Variants in UBE2E2 observed in about 807,000 individuals in gnomAD.
UBE2E2 encodes ubiquitin-conjugating enzyme E2 E2.
UBE2E2 carries 6 observed loss-of-function variants against 24.7 expected under a neutral mutation model. The ratio of observed to expected loss-of-function variants is 0.24; its 90% confidence interval spans 0.13 to 0.48. The LOEUF is 0.48. Ranked by LOEUF, UBE2E2 falls within the 20% of genes least tolerant of loss-of-function variation. UBE2E2 has a pLI of 0.99. For synonymous variants in UBE2E2, 104 were observed against 83.6 expected, an observed-to-expected ratio of 1.24 and a Z score of -1.33; for missense variants, 169 against 245.0, an observed-to-expected ratio of 0.69 and a Z score of 2.07.
At position 23,345,569 on chromosome 3, in the gene UBE2E2, A is replaced by G. The variant is rs537381680; in HGVS notation, c.227+128257A>G. On this transcript the variant is annotated intron_variant, in intron 3 of 5. Transcript: ENST00000396703. ...GGAACTTGAACTTTATCTTAACACA[A>G]TAGCATTGACAAATTACTCACAAAA... Among the ~76,000 whole-genome samples the G allele has an allele frequency of 1.1e-3, 162 of 152,326 alleles. 1 individual carries two copies. The South Asian group carries it at 0.012, about 11-fold the overall frequency.
intron 3 of UBE2E2, among the ~76,000 whole-genome samples, chr3:23,329,461 T>A (rs1241241942): frequency 2.6e-5 from 4 of 152,246 alleles, no homozygotes; most frequent in African/African-American, 9.6e-5. Context: ...CAGTTGGTAT[T>A]TAGGCAGGCA....
intron 5 of UBE2E2, among the ~76,000 whole-genome samples, chr3:23,582,946 G>C (rs543231998): frequency 6.6e-6 from 1 of 151,420 alleles, no homozygotes; most frequent in South Asian, 2.1e-4. Context: ...GATCCCATTT[G>C]TCAATTTTTG....
intron 3 of UBE2E2, among the ~76,000 whole-genome samples, chr3:23,294,668 T>A (rs1698861731): frequency 6.8e-6 from 1 of 146,400 alleles, no homozygotes; most frequent in South Asian, 2.1e-4. Flanking sequence ...TTATTTTAAA[T>A]AAATATAATA....
chr3:23,296,591 G>A (rs1054912884), intron 3 of UBE2E2, among the ~76,000 whole-genome samples: 1 of 152,104 alleles, frequency 6.6e-6, no homozygotes, highest in African/African-American at 2.4e-5. Flanking sequence ...AGTTTGCTGA[G>A]AATTACGGTT....
chr3:23,242,455 A>G (rs992341431), intron 3 of UBE2E2, among the ~76,000 whole-genome samples: 2 of 140,456 alleles, frequency 1.4e-5, no homozygotes, highest in Admixed American at 8.0e-5. Context: ...CAGAAAGACT[A>G]TTTGTTAAAT....
At chr3:23,360,336 T>A (rs889410359) in intron 3 of UBE2E2, among the ~76,000 whole-genome samples, 1 of 152,156 alleles carries the variant, frequency 6.6e-6, no homozygotes, top group Non-Finnish European at 1.5e-5. Flanking sequence ...CCCTATTACC[T>A]TCCTTCCTTT....
intron 3 of UBE2E2, among the ~76,000 whole-genome samples, chr3:23,295,708 T>A (rs1195790126): frequency 6.6e-6 from 1 of 152,222 alleles, no homozygotes; most frequent in African/African-American, 2.4e-5. Flanking sequence ...TTTATGTAGC[T>A]TGTACGTTGC....
intron 3 of UBE2E2, chr3:23,271,221 C>T (rs1017400860): frequency 4.7e-5 from 18 of 379,340 alleles, no homozygotes; most frequent in African/African-American, 2.5e-4. Flanking sequence ...CACGGACCCT[C>T]GCGGTGAGTG....
intron 3 of UBE2E2, among the ~76,000 whole-genome samples, chr3:23,423,786 A>G (rs994438381): frequency 4.6e-5 from 7 of 152,184 alleles, no homozygotes; most frequent in Non-Finnish European, 8.8e-5. Context: ...AGAATATGAT[A>G]ATAAACCCTA....
chr3:23,259,327 A>G (rs568010575), intron 3 of UBE2E2, among the ~76,000 whole-genome samples: 3 of 152,246 alleles, frequency 2.0e-5, no homozygotes, highest in Non-Finnish European at 4.4e-5. Flanking sequence ...TATTTAAGTT[A>G]TCTTTTGGGC....
At chr3:23,510,005 C>G (rs1427633250) in intron 4 of UBE2E2, among the ~76,000 whole-genome samples, 1 of 152,084 alleles carries the variant, frequency 6.6e-6, no homozygotes, top group Non-Finnish European at 1.5e-5. Flanking sequence ...GGTTCGTAGT[C>G]TTTGCTATTG....
At chr3:23,291,517 G>A (rs185850758) in intron 3 of UBE2E2, among the ~76,000 whole-genome samples, 14 of 152,182 alleles carry the variant, frequency 9.2e-5, no homozygotes, top group East Asian at 3.9e-4. Flanking sequence ...TGCAGAGACC[G>A]TATACAAGCA....
chr3:23,576,094 G>C (rs1433609283), intron 5 of UBE2E2, among the ~76,000 whole-genome samples: 1 of 151,932 alleles, frequency 6.6e-6, no homozygotes, highest in Non-Finnish European at 1.5e-5. Context: ...TTGAAGAGAA[G>C]GTAGTATTTT....
chr3:23,587,055 A>G (rs1434016054), intron 5 of UBE2E2, among the ~76,000 whole-genome samples: 1 of 152,138 alleles, frequency 6.6e-6, no homozygotes, highest in Non-Finnish European at 1.5e-5. Context: ...GGTTTTCTAA[A>G]TTATTATTAA....
At chr3:23,568,698 T>TATATATACACAC (rs767858095) in intron 5 of UBE2E2, among the ~76,000 whole-genome samples, 12 of 59,470 alleles carry the variant, frequency 2.0e-4, no homozygotes, top group Admixed American at 3.0e-4. Context: ...TATACACACA[T>TATATATACACAC]ATATATATAC....
intron 3 of UBE2E2, among the ~76,000 whole-genome samples, chr3:23,292,034 A>AT (rs1327605848): frequency 2.0e-5 from 3 of 151,570 alleles, no homozygotes; most frequent in East Asian, 3.9e-4. Flanking sequence ...AATTTTTTGT[A>AT]TTTTTAGTAG....
chr3:23,454,037 T>G (rs1698623129), intron 3 of UBE2E2, among the ~76,000 whole-genome samples: 1 of 152,182 alleles, frequency 6.6e-6, no homozygotes, highest in African/African-American at 2.4e-5. Context: ...TGTGTAAGAT[T>G]ATGTTGCTAA....
chr3:23,421,007 T>C (rs1431324728), intron 3 of UBE2E2, among the ~76,000 whole-genome samples: 1 of 152,178 alleles, frequency 6.6e-6, no homozygotes, highest in Non-Finnish European at 1.5e-5. Context: ...ACGAAAGTTA[T>C]AGGAGGGAAG....
intron 5 of UBE2E2, among the ~76,000 whole-genome samples, chr3:23,569,049 A>T (rs1696160614): frequency 6.6e-6 from 1 of 152,098 alleles, no homozygotes; most frequent in Non-Finnish European, 1.5e-5. Flanking sequence ...TTGCAGCATT[A>T]TTTGTAATAG....
Sources: allele counts gnomAD v4.1 joint callset (sites outside exome capture counted in the v4.1 genomes callset), GRCh38; gene constraint gnomAD v4.1.1; transcripts MANE v1.5; gene names NCBI Gene and HGNC (gene_info 2026-07-23, HGNC 2026-07-21).